FER1L6: variants seen among roughly 807,000 people sequenced by gnomAD.
The protein encoded by FER1L6 is fer-1-like protein 6.
A neutral mutation model predicts 219.2 loss-of-function variants in FER1L6; 177 were observed. The ratio of observed to expected loss-of-function variants is 0.81; its 90% confidence interval spans 0.71 to 0.91. The LOEUF is 0.91. FER1L6 is among the 40% of genes least tolerant of loss of function. The probability of loss-of-function intolerance (pLI) is 0.00; values close to 1 mark genes in which losing one functional copy is unlikely to be tolerated. For missense variants in FER1L6, 2,153 were observed against 2,259.9 expected (o/e 0.95, Z 0.96); for synonymous variants, 768 against 824.3 (o/e 0.93, Z 1.17).
intron 7 of FER1L6, 60 bp downstream of exon 7, chr8:123,973,572 G>A: frequency 2.4e-6 from 3 of 1,253,062 alleles, no homozygotes; most frequent in Non-Finnish European, 3.5e-6. Context: ...AGCACCTGGA[G>A]TCATCCCATT....
intron 39 of FER1L6, among the ~76,000 whole-genome samples, chr8:124,117,572 A>G (rs73332242): frequency 0.035 from 5,322 of 152,310 alleles, 294 homozygotes; most frequent in African/African-American, 0.12. Flanking sequence ...GAGTTGGGCC[A>G]GAGTTCCAGT....
intron 1 of FER1L6, among the ~76,000 whole-genome samples, chr8:123,914,980 TTTCAATATTAAAAAAATTTTCATTCC>T (rs1813141483): frequency 1.3e-5 from 2 of 152,310 alleles, no homozygotes; most frequent in South Asian, 4.1e-4. Flanking sequence ...TTGCTAATGT[TTTCAATATTAAAAAAATTTTCATTCC>T]TTGAACTGAA....
At chr8:123,919,669 A>C (rs1319011047) in intron 1 of FER1L6, among the ~76,000 whole-genome samples, 1 of 152,224 alleles carries the variant, frequency 6.6e-6, no homozygotes, top group Admixed American at 6.5e-5. Flanking sequence ...ACAGGAAAAA[A>C]GTCTTTTCTG....
At chr8:123,981,632 A>T (rs980102245) in intron 11 of FER1L6, among the ~76,000 whole-genome samples, 1 of 152,172 alleles carries the variant, frequency 6.6e-6, no homozygotes, top group African/African-American at 2.4e-5. Context: ...GTATAGCAGC[A>T]GGTCACCTTA....
chr8:123,994,446 T>TG (rs1174213127), intron 12 of FER1L6, among the ~76,000 whole-genome samples: 7 of 151,414 alleles, frequency 4.6e-5, no homozygotes, highest in Non-Finnish European at 8.8e-5. Context: ...AGAGAAGGAG[T>TG]GGGGGGTAGC....
chr8:124,115,353 A>G (rs1173593896), intron 39 of FER1L6, among the ~76,000 whole-genome samples: 1 of 152,078 alleles, frequency 6.6e-6, no homozygotes, highest in African/African-American at 2.4e-5. Context: ...TACCCAGAGC[A>G]GCGGCATTTA....
At chr8:123,913,144 C>T (rs1407041478) in intron 1 of FER1L6, among the ~76,000 whole-genome samples, 1 of 151,830 alleles carries the variant, frequency 6.6e-6, no homozygotes, top group Non-Finnish European at 1.5e-5. Context: ...CTAACAAAAC[C>T]CACAGAGACT....
chr8:124,044,497 C>T (rs1419744417), intron 20 of FER1L6, among the ~76,000 whole-genome samples: 1 of 152,128 alleles, frequency 6.6e-6, no homozygotes, highest in Non-Finnish European at 1.5e-5. Flanking sequence ...AGAAATGACT[C>T]GATGTAAAAC....
At chr8:123,898,152 TTATA>T (rs1216202290) in intron 1 of FER1L6, among the ~76,000 whole-genome samples, 1 of 150,692 alleles carries the variant, frequency 6.6e-6, no homozygotes, top group Non-Finnish European at 1.5e-5. Flanking sequence ...AAATCAGTTA[TTATA>T]TATGTTTTAA....
chr8:123,931,669 G>A (rs900121140), intron 1 of FER1L6, among the ~76,000 whole-genome samples: 1 of 152,146 alleles, frequency 6.6e-6, no homozygotes, highest in African/African-American at 2.4e-5. Context: ...AGCCTGAGCA[G>A]TTTTCTTCCA....
chr8:123,940,051 C>T (rs192855351), intron 1 of FER1L6, among the ~76,000 whole-genome samples: 173 of 152,280 alleles, frequency 1.1e-3, no homozygotes, highest in African/African-American at 4.1e-3. Context: ...TCATCATTGC[C>T]CTGGATTTCC....
intron 1 of FER1L6, among the ~76,000 whole-genome samples, chr8:123,945,306 G>C (rs1001104988): frequency 6.6e-6 from 1 of 152,188 alleles, no homozygotes; most frequent in Non-Finnish European, 1.5e-5. Context: ...TGTTCAAGAG[G>C]CTCCAACTTC....
intron 2 of FER1L6, among the ~76,000 whole-genome samples, chr8:123,957,075 C>G (rs1270511931): frequency 6.6e-6 from 1 of 152,146 alleles, no homozygotes; most frequent in Admixed American, 6.5e-5. Context: ...ATTCCTAAAC[C>G]AAAATGGTAC....
intron 1 of FER1L6, among the ~76,000 whole-genome samples, chr8:123,874,334 C>T (rs553885589): frequency 1.1e-4 from 17 of 152,286 alleles, no homozygotes; most frequent in Admixed American, 2.0e-4. Flanking sequence ...ATACTAGCTG[C>T]GTCACGTTAC....
intron 20 of FER1L6, among the ~76,000 whole-genome samples, chr8:124,043,412 A>G (rs1157095058): frequency 6.6e-6 from 1 of 152,208 alleles, no homozygotes; most frequent in Non-Finnish European, 1.5e-5. Flanking sequence ...CTCCATCATC[A>G]AAATGTTAGC....
chr8:124,107,971 C>T (rs532285037), intron 39 of FER1L6, among the ~76,000 whole-genome samples: 33 of 152,268 alleles, frequency 2.2e-4, no homozygotes, highest in African/African-American at 7.7e-4. Flanking sequence ...GTTTTAAAAG[C>T]TTTCTGGATT....
rs375783829 is a variant in FER1L6, at chr8:123,915,989, G to A, written c.-7-40003G>A. 6.6e-5 allele frequency among the ~76,000 whole-genome samples: 10 copies of A among 152,272 alleles called. No individual in the cohort carries two copies. In the South Asian group the frequency reaches 1.0e-3, roughly 16 times the overall value. ...TATGTCCATTTTGCATATTTTGCTG[G>A]TAAATGCTTGGACAATAATGTTTGC... is the stretch of plus-strand genomic sequence containing the variant. On this transcript the variant is annotated intron_variant, in intron 1 of 40. Coordinates refer to ENST00000522917, the MANE Select transcript of FER1L6 (RefSeq NM_001039112.2).
intron 1 of FER1L6, among the ~76,000 whole-genome samples, chr8:123,890,487 T>C (rs547294709): frequency 3.9e-4 from 60 of 151,966 alleles, no homozygotes; most frequent in African/African-American, 1.4e-3. Context: ...GGAAGGCTTT[T>C]ATTTGGCTCT....
Position 123,919,414 on chromosome 8 carries a change from A to G in FER1L6, c.-7-36578A>G, listed in dbSNP as rs148821864. 7.7e-4 allele frequency among the ~76,000 whole-genome samples: 118 copies of G among 152,346 alleles called. 1 individual carries two copies. The highest frequency in any genetic ancestry group is 1.4e-3 in the Non-Finnish European group (92 of 68,028). ...GCATATGATAAAGGTCAATTGTGGA[A>G]GGACTCTGGTTGAGCAGCAGGCCCT... On this transcript the variant is annotated intron_variant, in intron 1 of 40. Coordinates refer to ENST00000522917, the MANE Select transcript of FER1L6 (RefSeq NM_001039112.2).
Sources: allele counts gnomAD v4.1 joint callset (sites outside exome capture counted in the v4.1 genomes callset), GRCh38; gene constraint gnomAD v4.1.1; transcripts MANE v1.5; gene names NCBI Gene and HGNC (gene_info 2026-07-23, HGNC 2026-07-21).